ARFIP1: variants seen among roughly 807,000 people sequenced by gnomAD.
ARFIP1 encodes the protein ARF interacting protein 1.
A neutral mutation model predicts 42.5 loss-of-function variants in ARFIP1; 24 were observed. That is an observed-to-expected ratio of 0.57 (90% CI 0.41 to 0.80). The LOEUF (loss-of-function observed/expected upper bound fraction) is 0.80. Ranked by LOEUF, ARFIP1 falls within the 30% of genes least tolerant of loss-of-function variation. ARFIP1 has a pLI of 0.00. For synonymous variants in ARFIP1, 141 were observed against 153.7 expected, an observed-to-expected ratio of 0.92 and a Z score of 0.61; for missense variants, 354 against 434.0, an observed-to-expected ratio of 0.82 and a Z score of 1.64.
chr4:152,804,033 CGTA>C lies in ARFIP1; in HGVS notation c.-10+23808_-10+23810del, dbSNP rs1561107694. Reference sequence around the variant, plus strand: ...AATATATATATTATATATAATATAACGTAATATATATATTATATATAATATAAC... The same window carrying C: ...AATATATATATTATATATAATATAACATATATATATTATATATAATATAAC... On this transcript the variant is annotated intron_variant, in intron 1 of 8. Coordinates refer to ENST00000353617, the MANE Select transcript of ARFIP1 (RefSeq NM_001025595.3). Among the ~76,000 whole-genome samples the C allele has an allele frequency of 3.3e-4, 40 of 121,758 alleles. 1 individual carries two copies. The highest frequency in any genetic ancestry group is 5.5e-4 in the Non-Finnish European group (34 of 61,266). The allele number at this position is 121,758 out of a possible 152,430, so 79.9% of individuals were successfully genotyped here.
At chr4:152,906,965 C>T (rs115792507) in intron 8 of ARFIP1, among the ~76,000 whole-genome samples, 2,483 of 152,330 alleles carry the variant, frequency 0.016, 65 homozygotes, top group African/African-American at 0.056. Flanking sequence ...ACTGTTACCT[C>T]AATGAGCCCT....
At chr4:152,838,014 C>T (rs1731788594) in intron 2 of ARFIP1, among the ~76,000 whole-genome samples, 2 of 152,200 alleles carry the variant, frequency 1.3e-5, no homozygotes, top group African/African-American at 4.8e-5. Context: ...ATTATCCCAG[C>T]ACCATTTGTT....
At chr4:152,888,352 A>G (rs576843062) in intron 8 of ARFIP1, 45 bp downstream of exon 8, 4 of 1,383,576 alleles carry the variant, frequency 2.9e-6, no homozygotes, top group South Asian at 2.9e-5. Flanking sequence ...CTTTGAAGTC[A>G]CCCTAAAGAG....
chr4:152,785,484 T>G (rs1318026077), intron 1 of ARFIP1, among the ~76,000 whole-genome samples: 1 of 152,210 alleles, frequency 6.6e-6, no homozygotes, highest in Non-Finnish European at 1.5e-5. Flanking sequence ...GGACCTTATC[T>G]GTTTTGTTTC....
intron 3 of ARFIP1, among the ~76,000 whole-genome samples, chr4:152,866,585 CG>C (rs1046499875): frequency 2.4e-5 from 3 of 125,714 alleles, no homozygotes; most frequent in African/African-American, 9.5e-5. Context: ...GCTGGCCGGG[CG>C]GGGGCTGACC....
At chr4:152,840,574 G>A (rs1412777879) in intron 2 of ARFIP1, among the ~76,000 whole-genome samples, 1 of 152,118 alleles carries the variant, frequency 6.6e-6, no homozygotes, top group East Asian at 1.9e-4. Flanking sequence ...AGCTATCCCT[G>A]CTCGCTTTTT....
In ARFIP1 at chr4:152,847,124, CTTTTTTTTT is replaced by C. The variant is rs771661005; in HGVS notation, c.94-16466_94-16458del. 9.4e-4 allele frequency among the ~76,000 whole-genome samples: 38 copies of C among 40,584 alleles called. 3 individuals are homozygous for C. Among genetic ancestry groups the C allele is most frequent in the Non-Finnish European group, 1.6e-3 (36 of 22,248 alleles). The allele number at this position is 40,584 out of a possible 152,430, so 26.6% of individuals were successfully genotyped here. On this transcript the variant is annotated intron_variant, in intron 2 of 8. Coordinates refer to ENST00000353617, the MANE Select transcript of ARFIP1 (RefSeq NM_001025595.3). ...GTATGTTAATGTTTTTAGGTTTGTT[CTTTTTTTTT>C]TTTTTTTTTTTTTTTGAGACAGAGT...
rs562319764 is a variant in ARFIP1 at position 152,794,541 on chromosome 4, C to T, written c.-10+14315C>T. 2.7e-4 allele frequency among the ~76,000 whole-genome samples: 41 copies of T among 152,244 alleles called. 1 individual carries two copies. The highest frequency in any genetic ancestry group is 8.7e-4 in the African/African-American group (36 of 41,552). On this transcript the variant is annotated intron_variant, in intron 1 of 8. Coordinates refer to ENST00000353617, the MANE Select transcript of ARFIP1 (RefSeq NM_001025595.3). ...CTTGGTTGAGTGTGTTGTTTTTACA[C>T]TGTGAAGTTACTATCTTTCCCTTTT...
intron 3 of ARFIP1, among the ~76,000 whole-genome samples, chr4:152,867,196 C>G (rs28565491): frequency 0.01 from 1,527 of 152,292 alleles, 22 homozygotes; most frequent in African/African-American, 0.034. Flanking sequence ...TGCACTCCAG[C>G]CTGGGCACTA....
At chr4:152,791,815 T>C (rs193140674) in intron 1 of ARFIP1, among the ~76,000 whole-genome samples, 365 of 152,298 alleles carry the variant, frequency 2.4e-3, no homozygotes, top group Non-Finnish European at 3.8e-3. Flanking sequence ...AGAAAGAATA[T>C]GTTTTTCCTT....
intron 4 of ARFIP1, 91 bp from the exon 5 acceptor site, chr4:152,872,360 TA>T: frequency 1.2e-6 from 1 of 829,386 alleles, no homozygotes; most frequent in Non-Finnish European, 1.9e-6. Flanking sequence ...TTTAGATGCA[TA>T]AGAATTTCAA....
intron 1 of ARFIP1, among the ~76,000 whole-genome samples, chr4:152,808,937 A>G (rs1729227683): frequency 6.6e-6 from 1 of 152,162 alleles, no homozygotes; most frequent in Non-Finnish European, 1.5e-5. Flanking sequence ...CTGTAATCCC[A>G]GCTCCTCAGG....
chr4:152,833,101 G>A (rs1046393174), intron 2 of ARFIP1, among the ~76,000 whole-genome samples: 2 of 152,028 alleles, frequency 1.3e-5, no homozygotes, highest in African/African-American at 4.8e-5. Context: ...AAAATGAAAA[G>A]GCATCCTATG....
At chr4:152,899,929 T>G (rs1737678711) in intron 8 of ARFIP1, among the ~76,000 whole-genome samples, 1 of 152,188 alleles carries the variant, frequency 6.6e-6, no homozygotes, top group African/African-American at 2.4e-5. Context: ...GTTCAAAGTC[T>G]CACAGCCAGA....
intron 2 of ARFIP1, among the ~76,000 whole-genome samples, chr4:152,842,140 G>C (rs1732141645): frequency 6.6e-6 from 1 of 152,080 alleles, no homozygotes; most frequent in Non-Finnish European, 1.5e-5. Context: ...AGTAAAGAGA[G>C]CTCACTAAAA....
At chr4:152,811,090 C>CTTTT (rs5863021) in intron 1 of ARFIP1, among the ~76,000 whole-genome samples, 9 of 74,404 alleles carry the variant, frequency 1.2e-4, no homozygotes, top group Middle Eastern at 0.011. Flanking sequence ...AAGGTTAAGC[C>CTTTT]TTTTTTTTTT....
intron 1 of ARFIP1, among the ~76,000 whole-genome samples, chr4:152,804,061 C>T (rs1376331836): frequency 8.9e-6 from 1 of 111,882 alleles, no homozygotes; most frequent in Non-Finnish European, 1.7e-5. Context: ...TATAATATAA[C>T]ATGTAATATA....
At position 152,837,410 on chromosome 4, in the gene ARFIP1, C is replaced by A. The variant is rs114131051; in HGVS notation, c.93+7684C>A. ...TCCCACTAGCAGTGGAGAAGTGTTTCCTGTTCACCGCATCCACACCAACAT... is the reference window on the plus strand; with the variant it reads ...TCCCACTAGCAGTGGAGAAGTGTTTACTGTTCACCGCATCCACACCAACAT... On this transcript the variant is annotated intron_variant, in intron 2 of 8. Transcript: ENST00000353617. 1.8e-3 allele frequency among the ~76,000 whole-genome samples: 271 copies of A among 152,286 alleles called. 2 individuals carry two copies. Among genetic ancestry groups the A allele is most frequent in the African/African-American group, 6.0e-3 (251 of 41,562 alleles).
intron 8 of ARFIP1, among the ~76,000 whole-genome samples, chr4:152,909,715 A>G (rs1211863679): frequency 6.6e-6 from 1 of 152,240 alleles, no homozygotes; most frequent in Non-Finnish European, 1.5e-5. Flanking sequence ...GCAATTATAT[A>G]TAATTTTCCC....
Sources: allele counts gnomAD v4.1 joint callset (sites outside exome capture counted in the v4.1 genomes callset), GRCh38; gene constraint gnomAD v4.1.1; transcripts MANE v1.5; gene names NCBI Gene and HGNC (gene_info 2026-07-23, HGNC 2026-07-21).